The following IGSF21 variants were observed in gnomAD, a reference collection of about 807,000 sequenced individuals.
The protein encoded by IGSF21 is immunoglobulin superfamily member 21.
A neutral mutation model predicts 46.8 loss-of-function variants in IGSF21; 28 were observed. The observed-to-expected ratio is 0.60, with a 90% confidence interval of 0.44 to 0.82. IGSF21 has a LOEUF of 0.82. IGSF21 is among the 40% of genes least tolerant of loss of function. The probability of loss-of-function intolerance (pLI) is 0.00; values close to 1 mark genes in which losing one functional copy is unlikely to be tolerated. For synonymous variants in IGSF21, 284 were observed against 273.6 expected (o/e 1.04, Z -0.38); for missense variants, 624 against 665.5 (o/e 0.94, Z 0.69).
intron 1 of IGSF21, among the ~76,000 whole-genome samples, chr1:18,197,612 A>C (rs978501105): frequency 6.6e-6 from 1 of 152,222 alleles, no homozygotes; most frequent in Non-Finnish European, 1.5e-5. Flanking sequence ...TGTGAAGGAC[A>C]AAGGCAGACG....
intron 1 of IGSF21, among the ~76,000 whole-genome samples, chr1:18,195,826 C>T (rs901030417): frequency 6.6e-6 from 1 of 152,204 alleles, no homozygotes; most frequent in Non-Finnish European, 1.5e-5. Flanking sequence ...GACCAAGACT[C>T]ATAAACAGAT....
At chr1:18,336,008 G>A (rs975933946) in intron 4 of IGSF21, among the ~76,000 whole-genome samples, 1 of 152,194 alleles carries the variant, frequency 6.6e-6, no homozygotes, top group Non-Finnish European at 1.5e-5. Flanking sequence ...CCCTGGGTTG[G>A]CCACACCAGG....
rs1443101011 is a variant in IGSF21, at chr1:18,227,900, T to C, written c.73T>C (p.Tyr25His). The C allele has an allele frequency of 6.2e-7, 1 of 1,613,430 alleles. No individual in the cohort carries two copies. The highest frequency in any genetic ancestry group is 8.5e-7 in the Non-Finnish European group (1 of 1,179,394). Residue 25 changes from tyrosine (Y) to histidine (H), a missense_variant and splice_region_variant, in exon 2 of 10, where the codon TAC becomes CAC. By Grantham distance (83) the Tyr-to-His change is moderately conservative. Coordinates refer to ENST00000251296, the MANE Select transcript of IGSF21 (RefSeq NM_032880.5). ...LAAILDLARG[Y>H]LTVNIEPLPP... Reference sequence around the variant, plus strand: ...CCCCTTTCTCCTCTCTTCTGTAGGCTACCTGACAGTCAACATTGAGCCTCT... The same window carrying C: ...CCCCTTTCTCCTCTCTTCTGTAGGCCACCTGACAGTCAACATTGAGCCTCT...
At chr1:18,135,970 G>A (rs1483275494) in intron 1 of IGSF21, among the ~76,000 whole-genome samples, 1 of 152,174 alleles carries the variant, frequency 6.6e-6, no homozygotes, top group Non-Finnish European at 1.5e-5. Context: ...GGTGTGAGAT[G>A]GTATCTCATT....
intron 9 of IGSF21, 122 bp from the exon 10 acceptor site, chr1:18,378,134 C>G: frequency 1.3e-6 from 1 of 748,826 alleles, no homozygotes; most frequent in South Asian, 1.7e-5. Flanking sequence ...CAGAGCTGGG[C>G]TTCGAACCCA....
intron 6 of IGSF21, among the ~76,000 whole-genome samples, chr1:18,373,054 G>A (rs1208766413): frequency 6.6e-6 from 1 of 152,170 alleles, no homozygotes; most frequent in Non-Finnish European, 1.5e-5. Flanking sequence ...TTCATTCCCT[G>A]AGCAGATAGA....
intron 5 of IGSF21, among the ~76,000 whole-genome samples, chr1:18,364,742 T>C (rs1049124214): frequency 6.6e-6 from 1 of 152,034 alleles, no homozygotes; most frequent in Non-Finnish European, 1.5e-5. Flanking sequence ...AGAGATTCTT[T>C]CTTCCCTCAT....
At chr1:18,167,093 A>G (rs1317803806) in intron 1 of IGSF21, 1 of 152,798 alleles carries the variant, frequency 6.5e-6, no homozygotes, top group Non-Finnish European at 1.5e-5. Context: ...TTGCAGAGGG[A>G]AGGGGCACGG....
chr1:18,233,999 T>C (rs541746659), intron 2 of IGSF21, among the ~76,000 whole-genome samples: 4 of 152,086 alleles, frequency 2.6e-5, no homozygotes, highest in African/African-American at 4.8e-5. Context: ...CAGGAAACAA[T>C]ACAGTCCAAC....
intron 5 of IGSF21, among the ~76,000 whole-genome samples, chr1:18,363,802 T>A (rs1168714623): frequency 2.0e-5 from 2 of 97,816 alleles, no homozygotes; most frequent in Admixed American, 1.1e-4. Flanking sequence ...GGCAGAGGAG[T>A]AGAGACACAG....
chr1:18,252,945 T>A (rs1299389218), intron 2 of IGSF21, among the ~76,000 whole-genome samples: 1 of 152,150 alleles, frequency 6.6e-6, no homozygotes, highest in Non-Finnish European at 1.5e-5. Context: ...AACCTTTAGC[T>A]CAGAGCTTGA....
At chr1:18,325,194 T>C (rs944003227) in intron 3 of IGSF21, among the ~76,000 whole-genome samples, 1 of 152,246 alleles carries the variant, frequency 6.6e-6, no homozygotes, top group Non-Finnish European at 1.5e-5. Flanking sequence ...GGGCCATGTC[T>C]GTGTGTGTAC....
intron 2 of IGSF21, among the ~76,000 whole-genome samples, chr1:18,287,193 TA>T (rs11351648): frequency 0.41 from 12,477 of 30,298 alleles, 1,586 homozygotes; most frequent in African/African-American, 0.48. Flanking sequence ...AAAAAAAAAA[TA>T]AAATAAATAA....
chr1:18,374,154 C>A (rs1048408105), intron 6 of IGSF21, among the ~76,000 whole-genome samples: 1 of 152,220 alleles, frequency 6.6e-6, no homozygotes, highest in Admixed American at 6.5e-5. Context: ...CAAGATTACC[C>A]AGGGGCAGAC....
intron 3 of IGSF21, among the ~76,000 whole-genome samples, chr1:18,324,198 C>T (rs539814755): frequency 1.3e-5 from 2 of 152,312 alleles, no homozygotes; most frequent in South Asian, 4.1e-4. Context: ...CTCCCAGCCC[C>T]ATGGAATGAT....
At chr1:18,237,083 T>G (rs1417365682) in intron 2 of IGSF21, among the ~76,000 whole-genome samples, 1 of 152,216 alleles carries the variant, frequency 6.6e-6, no homozygotes, top group East Asian at 1.9e-4. Flanking sequence ...ATGTCATTCA[T>G]AAAATTACAA....
chr1:18,219,659 G>T (rs951310217), intron 1 of IGSF21, among the ~76,000 whole-genome samples: 2 of 152,180 alleles, frequency 1.3e-5, no homozygotes, highest in East Asian at 1.9e-4. Context: ...AGATTGGTGT[G>T]CTCTGAGCTC....
intron 1 of IGSF21, among the ~76,000 whole-genome samples, chr1:18,225,236 C>T (rs1171479985): frequency 3.3e-5 from 5 of 152,036 alleles, no homozygotes; most frequent in African/African-American, 1.2e-4. Flanking sequence ...CTCCTGCACA[C>T]ACTTCCTGAT....
At chr1:18,149,974 C>T (rs1271312465) in intron 1 of IGSF21, among the ~76,000 whole-genome samples, 3 of 152,072 alleles carry the variant, frequency 2.0e-5, no homozygotes, top group South Asian at 2.1e-4. Context: ...GCTTTGGGGC[C>T]GGGGAGTGGT....
Sources: gnomAD v4.1 joint callset for allele counts (sites outside exome capture counted in the v4.1 genomes callset) on GRCh38, gnomAD v4.1.1 for gene constraint, MANE v1.5 for transcripts, NCBI Gene and HGNC (gene_info 2026-07-23, HGNC 2026-07-21) for gene names.